KCNMA1: variants seen among roughly 807,000 people sequenced by gnomAD.
The protein encoded by KCNMA1 is potassium calcium-activated channel subfamily M alpha 1, also known as Calcium-activated potassium channel subunit alpha-1.
KCNMA1 carries 29 observed loss-of-function variants against 140.0 expected under a neutral mutation model. The ratio of observed to expected loss-of-function variants is 0.21; its 90% CI spans 0.15 to 0.28. The LOEUF is 0.28. Ranked by LOEUF, KCNMA1 falls within the 10% of genes least tolerant of loss-of-function variation. KCNMA1 has a pLI of 1.00. For missense variants in KCNMA1, 880 were observed against 1,602.2 expected (o/e 0.55, Z 7.70); for synonymous variants, 612 against 611.9 (o/e 1.00, Z 0.00).
chr10:76,906,248 G>C (rs907866199), intron 25 of KCNMA1, among the ~76,000 whole-genome samples: 4 of 152,188 alleles, frequency 2.6e-5, no homozygotes, highest in African/African-American at 9.7e-5. Context: ...ACTCATATGT[G>C]AGTCTCATCC....
intron 1 of KCNMA1, among the ~76,000 whole-genome samples, chr10:77,536,546 C>G (rs1470819847): frequency 6.6e-6 from 1 of 152,192 alleles, no homozygotes; most frequent in Non-Finnish European, 1.5e-5. Context: ...TGTGCAACAG[C>G]CTTACTATGA....
At chr10:77,598,685 C>T (rs56968690) in intron 1 of KCNMA1, among the ~76,000 whole-genome samples, 4,693 of 152,244 alleles carry the variant, frequency 0.031, 274 homozygotes, top group African/African-American at 0.11. Context: ...GGGGAGACAA[C>T]GCAAAGAGAG....
At chr10:76,917,939 T>C (rs1259098359) in intron 23 of KCNMA1, among the ~76,000 whole-genome samples, 1 of 152,196 alleles carries the variant, frequency 6.6e-6, no homozygotes, top group Non-Finnish European at 1.5e-5. Context: ...TTCAAGCACC[T>C]TCCATAAAGG....
intron 19 of KCNMA1, among the ~76,000 whole-genome samples, chr10:76,981,479 C>G (rs940715374): frequency 1.3e-5 from 2 of 152,112 alleles, no homozygotes; most frequent in Non-Finnish European, 2.9e-5. Context: ...AAATTCACGC[C>G]GTCTGATTGT....
chr10:77,000,837 G>T (rs1274965823), intron 19 of KCNMA1, among the ~76,000 whole-genome samples: 1 of 100,680 alleles, frequency 9.9e-6, no homozygotes, highest in Non-Finnish European at 2.0e-5. Context: ...GCACAGGTTA[G>T]AGAGACATAG....
chr10:76,949,638 C>T (rs768511939), intron 21 of KCNMA1, among the ~76,000 whole-genome samples: 1 of 151,934 alleles, frequency 6.6e-6, no homozygotes, highest in Non-Finnish European at 1.5e-5. Flanking sequence ...GAAAGGTATG[C>T]CATAAATATG....
At chr10:77,578,210 G>C (rs934550264) in intron 1 of KCNMA1, among the ~76,000 whole-genome samples, 4 of 152,202 alleles carry the variant, frequency 2.6e-5, no homozygotes, top group African/African-American at 9.7e-5. Context: ...CCCAATTCTA[G>C]TGGCTGATCT....
intron 2 of KCNMA1, chr10:77,350,310 T>C (rs1212105376): frequency 1.3e-5 from 2 of 152,252 alleles, no homozygotes; most frequent in Non-Finnish European, 1.5e-5. Context: ...AAGAATCAAA[T>C]GCAACTGCTG....
chr10:77,056,959 T>C (rs1197395092), intron 14 of KCNMA1, among the ~76,000 whole-genome samples: 3 of 152,066 alleles, frequency 2.0e-5, no homozygotes, highest in African/African-American at 2.4e-5. Context: ...ATTTGCATCA[T>C]AGGAATCCTA....
At chr10:77,445,109 C>A (rs1461939555) in intron 1 of KCNMA1, among the ~76,000 whole-genome samples, 2 of 152,050 alleles carry the variant, frequency 1.3e-5, no homozygotes, top group Non-Finnish European at 2.9e-5. Flanking sequence ...CACCCAGCAG[C>A]GTTTAGAGAT....
intron 9 of KCNMA1, among the ~76,000 whole-genome samples, chr10:77,105,903 T>C (rs1002387018): frequency 1.3e-5 from 2 of 152,216 alleles, no homozygotes; most frequent in Non-Finnish European, 2.9e-5. Flanking sequence ...AGAAAACTTA[T>C]TGATTCTGAC....
At chr10:77,519,178 C>T (rs535067260) in intron 1 of KCNMA1, among the ~76,000 whole-genome samples, 63 of 152,380 alleles carry the variant, frequency 4.1e-4, no homozygotes, top group South Asian at 1.4e-3. Flanking sequence ...TGGGCCAGCA[C>T]GCTGACATTT....
At chr10:76,942,864 C>T (rs1227123093) in intron 23 of KCNMA1, among the ~76,000 whole-genome samples, 3 of 152,110 alleles carry the variant, frequency 2.0e-5, no homozygotes, top group Admixed American at 6.5e-5. Context: ...TTCACTCCTC[C>T]CCAGGAGAGG....
intron 5 of KCNMA1, among the ~76,000 whole-genome samples, chr10:77,133,494 A>G (rs1249272320): frequency 6.6e-6 from 1 of 151,810 alleles, no homozygotes; most frequent in African/African-American, 2.4e-5. Context: ...AGCAATGACT[A>G]TATCAAATAA....
At chr10:77,122,334 T>C (rs1281423084) in intron 5 of KCNMA1, among the ~76,000 whole-genome samples, 1 of 152,202 alleles carries the variant, frequency 6.6e-6, no homozygotes, top group Non-Finnish European at 1.5e-5. Context: ...AAGACTTTTT[T>C]TGAAAACATT....
intron 2 of KCNMA1, among the ~76,000 whole-genome samples, chr10:77,359,746 G>C (rs2093790766): frequency 6.6e-6 from 1 of 152,152 alleles, no homozygotes; most frequent in African/African-American, 2.4e-5. Context: ...TGGGAGCTCT[G>C]GGGGTGACAC....
intron 1 of KCNMA1, among the ~76,000 whole-genome samples, chr10:77,551,805 T>A (rs2062921654): frequency 6.6e-6 from 1 of 152,186 alleles, no homozygotes; most frequent in African/African-American, 2.4e-5. Context: ...GCACATCTAT[T>A]CAAGCCATCA....
chr10:77,047,525 C>T (rs1417368590), intron 14 of KCNMA1, among the ~76,000 whole-genome samples: 1 of 150,580 alleles, frequency 6.6e-6, no homozygotes, highest in Admixed American at 6.6e-5. Flanking sequence ...GATATGAGAA[C>T]TTTTTAAAAT....
intron 5 of KCNMA1, among the ~76,000 whole-genome samples, chr10:77,160,571 T>G (rs1437199474): frequency 2.6e-5 from 4 of 152,184 alleles, no homozygotes; most frequent in Non-Finnish European, 5.9e-5. Context: ...ATGTGACTGG[T>G]TAAAAGACCT....
Sources: allele counts gnomAD v4.1 joint callset (sites outside exome capture counted in the v4.1 genomes callset), GRCh38; gene constraint gnomAD v4.1.1; transcripts MANE v1.5; gene names NCBI Gene and HGNC (gene_info 2026-07-23, HGNC 2026-07-21).